FHIP1A: variants seen among roughly 807,000 people sequenced by gnomAD.
FHIP1A encodes FHF complex subunit HOOK-interacting protein 1A.
In FHIP1A, 61 loss-of-function variants were observed where a neutral mutation model predicts 88.6. The observed-to-expected ratio is 0.69, with a 90% CI of 0.56 to 0.85. The LOEUF (loss-of-function observed/expected upper bound fraction) is 0.85. Ranked by LOEUF, FHIP1A falls within the 40% of genes least tolerant of loss-of-function variation. The probability of loss-of-function intolerance (pLI) is 0.00; values close to 1 mark genes in which losing one functional copy is unlikely to be tolerated. For synonymous variants in FHIP1A, 478 were observed against 496.0 expected, an observed-to-expected ratio of 0.96 and a Z score of 0.48; for missense variants, 1,154 against 1,273.5, an observed-to-expected ratio of 0.91 and a Z score of 1.43.
Position 151,578,048 on chromosome 4 carries a change from A to G in FHIP1A, c.704A>G (p.His235Arg), listed in dbSNP as rs1486636771. ...GCTGAGAACACCATGGTGGCCCATC[A>G]CATCGTGGAGAACACCTACTTTTGT... ...LSAENTMVAH[H>R]IVENTYFCPV... is the part of the protein sequence containing the mutation. Residue 235 changes from histidine (H) to arginine (R), a missense_variant, in exon 5 of 14, where the codon CAC (histidine) becomes CGC (arginine). By Grantham distance (29) the His-to-Arg change is conservative. Transcript: ENST00000435205. 6.4e-7 allele frequency: 1 copy of G among 1,550,708 alleles called. No homozygotes were observed. The highest frequency in any genetic ancestry group is 2.4e-5 in the East Asian group (1 of 40,870).
At chr4:151,460,962 T>C (rs912676953) in intron 2 of FHIP1A, among the ~76,000 whole-genome samples, 1 of 152,214 alleles carries the variant, frequency 6.6e-6, no homozygotes, top group African/African-American at 2.4e-5. Flanking sequence ...TGGTATAAAT[T>C]ATTTTCTTTT....
In FHIP1A at chr4:151,566,440, T is replaced by C. The variant is rs1415722134; in HGVS notation, c.105+76T>C. The C allele has an allele frequency of 7.6e-6, 6 of 788,374 alleles. No homozygotes were observed. In the East Asian group the frequency reaches 1.7e-4, roughly 22 times the overall value. 48.8% of individuals were successfully genotyped at this position (788,374 alleles called of 1,614,324 possible). On this transcript the variant is annotated intron_variant, in intron 4 of 13. Coordinates refer to ENST00000435205, the MANE Select transcript of FHIP1A (RefSeq NM_001109977.3). Reference sequence around the variant, plus strand: ...TCCATCACACTGAATCAGGGTTTTCTACCTCTGTGATAGGTAACTAGATTG... The same window carrying C: ...TCCATCACACTGAATCAGGGTTTTCCACCTCTGTGATAGGTAACTAGATTG...
At chr4:151,439,283 G>T (rs534458177) in intron 1 of FHIP1A, among the ~76,000 whole-genome samples, 1 of 152,120 alleles carries the variant, frequency 6.6e-6, no homozygotes, top group African/African-American at 2.4e-5. Context: ...AAGGGTTGTT[G>T]TGGGGACTAA....
intron 8 of FHIP1A, among the ~76,000 whole-genome samples, chr4:151,637,177 A>G (rs1448020675): frequency 1.3e-5 from 2 of 152,166 alleles, no homozygotes; most frequent in African/African-American, 4.8e-5. Context: ...AAAATGGACC[A>G]AAGACCTAAA....
chr4:151,658,377 T>G (rs1313631920), intron 13 of FHIP1A, among the ~76,000 whole-genome samples: 3 of 152,240 alleles, frequency 2.0e-5, no homozygotes. Flanking sequence ...GACTCGCTTG[T>G]GTGTCTGCCA....
chr4:151,537,646 G>A (rs931805018), intron 3 of FHIP1A, among the ~76,000 whole-genome samples: 1 of 152,108 alleles, frequency 6.6e-6, no homozygotes. Flanking sequence ...TGTGCTTGTG[G>A]TGTCAAGTCT....
intron 3 of FHIP1A, among the ~76,000 whole-genome samples, chr4:151,490,612 C>T (rs529679987): frequency 3.9e-5 from 6 of 152,168 alleles, no homozygotes; most frequent in African/African-American, 1.4e-4. Flanking sequence ...CCCAAAAGAT[C>T]ACAAGCTACC....
intron 2 of FHIP1A, among the ~76,000 whole-genome samples, chr4:151,456,262 T>C (rs1159710425): frequency 6.6e-6 from 1 of 152,188 alleles, no homozygotes; most frequent in Admixed American, 6.5e-5. Context: ...TAACATCAGC[T>C]TTCAGTACTC....
intron 9 of FHIP1A, among the ~76,000 whole-genome samples, chr4:151,643,785 C>A (rs1736685802): frequency 6.6e-6 from 1 of 152,186 alleles, no homozygotes. Flanking sequence ...ATAGACTCCC[C>A]ATTTCCAGTT....
At chr4:151,457,852 G>C (rs1369206156) in intron 2 of FHIP1A, among the ~76,000 whole-genome samples, 1 of 152,024 alleles carries the variant, frequency 6.6e-6, no homozygotes, top group Admixed American at 6.6e-5. Context: ...TGACAGACTG[G>C]AAAATACTTC....
intron 4 of FHIP1A, among the ~76,000 whole-genome samples, chr4:151,572,455 A>G (rs752315173): frequency 2.0e-5 from 3 of 152,234 alleles, no homozygotes; most frequent in Non-Finnish European, 2.9e-5. Context: ...TACGTATTAT[A>G]AAGCTGTTAT....
chr4:151,533,347 T>A (rs1284909372), intron 3 of FHIP1A, among the ~76,000 whole-genome samples: 1 of 151,970 alleles, frequency 6.6e-6, no homozygotes, highest in African/African-American at 2.4e-5. Context: ...TCCAGGAGGT[T>A]GAGGCTGCAG....
In FHIP1A at chr4:151,656,467, G is replaced by A. The variant is rs1031211894; in HGVS notation, c.2730+57G>A. 1 of 1,480,528 alleles carries A rather than the reference G, an allele frequency of 6.8e-7. No homozygotes were observed. Among genetic ancestry groups the A allele is most frequent in the African/African-American group, 1.4e-5 (1 of 71,020 alleles). The allele number at this position is 1,480,528 out of a possible 1,614,324, so 91.7% of individuals were successfully genotyped here. A position where few individuals can be genotyped will look rare whatever the true frequency, so the allele number is the denominator to read the frequency against. On this transcript the variant is annotated intron_variant, in intron 12 of 13. Coordinates refer to ENST00000435205, the MANE Select transcript of FHIP1A (RefSeq NM_001109977.3). This position sits in a 1 kb window ranked among gnomAD's most constrained non-coding sequence, Gnocchi z 4.2. ...TGATTTTGTGGGTGCTAATTTGCAG[G>A]GCATCTATTTCTCTTTATTTTGTTT...
chr4:151,601,081 C>G (rs1194414209), intron 7 of FHIP1A, among the ~76,000 whole-genome samples: 1 of 152,160 alleles, frequency 6.6e-6, no homozygotes, highest in Non-Finnish European at 1.5e-5. Flanking sequence ...GTCAAAGAGA[C>G]ATATGTGGAG....
Position 151,650,611 on chromosome 4 carries a change from T to G in FHIP1A, c.2551+19T>G. On this transcript the variant is annotated intron_variant, in intron 11 of 13. Coordinates refer to ENST00000435205, the MANE Select transcript of FHIP1A (RefSeq NM_001109977.3). ...TTCACAGGTGACCATCTTAAATTGC[T>G]TTGTGGTTTCTGCTTTCGAAAGTAC... is the stretch of plus-strand genomic sequence containing the variant. 6.5e-7 allele frequency: 1 copy of G among 1,530,906 alleles called. No homozygotes were observed. The allele number at this position is 1,530,906 out of a possible 1,614,324, so 94.8% of individuals were successfully genotyped here.
At chr4:151,577,259 T>C (rs1733828005) in intron 4 of FHIP1A, among the ~76,000 whole-genome samples, 191 bp from the exon 5 acceptor site, 1 of 152,166 alleles carries the variant, frequency 6.6e-6, no homozygotes, top group Non-Finnish European at 1.5e-5. Context: ...TCAGACATCT[T>C]CTTTCTATAG....
intron 4 of FHIP1A, among the ~76,000 whole-genome samples, chr4:151,573,271 A>AAC (rs140733704): frequency 0.01 from 1,515 of 147,264 alleles, 12 homozygotes; most frequent in Middle Eastern, 0.021. Flanking sequence ...GATGCATCCA[A>AAC]ACACACACAC....
At chr4:151,429,527 C>A (rs1580554215) in intron 1 of FHIP1A, among the ~76,000 whole-genome samples, 2 of 152,252 alleles carry the variant, frequency 1.3e-5, no homozygotes, top group East Asian at 3.9e-4. Flanking sequence ...AGTTTACAAG[C>A]CACATAAAGG....
At chr4:151,512,290 A>C (rs1451581184) in intron 3 of FHIP1A, among the ~76,000 whole-genome samples, 1 of 152,168 alleles carries the variant, frequency 6.6e-6, no homozygotes, top group Non-Finnish European at 1.5e-5. Context: ...CCATCTGTAC[A>C]TCACCATCAT....
Sources: allele counts gnomAD v4.1 joint callset (sites outside exome capture counted in the v4.1 genomes callset), GRCh38; gene constraint gnomAD v4.1.1; non-coding constraint Gnocchi (gnomAD v3.1); transcripts MANE v1.5; gene names NCBI Gene and HGNC (gene_info 2026-07-23, HGNC 2026-07-21).